C1QTNF7: variants seen among roughly 807,000 people sequenced by gnomAD.
C1QTNF7 encodes the protein C1q and TNF related 7, also known as complement C1q tumor necrosis factor-related protein 7.
C1QTNF7 carries 15 observed loss-of-function variants against 19.6 expected under a neutral mutation model. The observed-to-expected ratio is 0.76, with a 90% CI of 0.51 to 1.18. C1QTNF7 has a LOEUF of 1.18. Ranked by LOEUF, C1QTNF7 falls within the 50% of genes most tolerant of loss-of-function variation. The probability of loss-of-function intolerance (pLI) is 0.00; values close to 1 mark genes in which losing one functional copy is unlikely to be tolerated. For synonymous variants in C1QTNF7, 142 were observed against 137.5 expected (o/e 1.03, Z -0.23); for missense variants, 324 against 359.7 (o/e 0.90, Z 0.80).
At chr4:15,352,788 T>C (rs1716983200) in intron 1 of C1QTNF7, among the ~76,000 whole-genome samples, 1 of 152,178 alleles carries the variant, frequency 6.6e-6, no homozygotes, top group Non-Finnish European at 1.5e-5. Flanking sequence ...TCCTTCCTCC[T>C]TCCCTGGACA....
At chr4:15,340,341 A>G (rs1276344131) in intron 1 of C1QTNF7, 20 of 1,171,834 alleles carry the variant, frequency 1.7e-5, no homozygotes, top group Non-Finnish European at 2.2e-5. Flanking sequence ...TCAACAAATG[A>G]TAAATCAGAG....
chr4:15,375,671 G>A (rs1717912971), intron 1 of C1QTNF7, among the ~76,000 whole-genome samples: 2 of 152,098 alleles, frequency 1.3e-5, no homozygotes, highest in South Asian at 4.1e-4. Context: ...ATGGCTGCAA[G>A]GAACATATGT....
chr4:15,355,817 T>C (rs1577231283), intron 1 of C1QTNF7, among the ~76,000 whole-genome samples: 1 of 152,252 alleles, frequency 6.6e-6, no homozygotes. Context: ...CTTTGCCCAG[T>C]TCCAAGCCCT....
At chr4:15,356,515 T>A (rs1436376279) in intron 1 of C1QTNF7, among the ~76,000 whole-genome samples, 1 of 152,214 alleles carries the variant, frequency 6.6e-6, no homozygotes, top group African/African-American at 2.4e-5. Flanking sequence ...GGCATTGGGT[T>A]GGTTCCAAGT....
At chr4:15,392,026 A>C (rs1718579673) in intron 1 of C1QTNF7, among the ~76,000 whole-genome samples, 1 of 152,194 alleles carries the variant, frequency 6.6e-6, no homozygotes, top group African/African-American at 2.4e-5. Flanking sequence ...ATTTAGTTTC[A>C]GCAATAGTTA....
intron 1 of C1QTNF7, among the ~76,000 whole-genome samples, chr4:15,415,669 C>A (rs761332346): frequency 8.0e-4 from 122 of 151,560 alleles, no homozygotes; most frequent in Non-Finnish European, 1.4e-3. Flanking sequence ...GTTGCCCAGG[C>A]TGGTCTCAAA....
At position 15,420,349 on chromosome 4, in the gene C1QTNF7, G is replaced by C. The variant is rs2465501; in HGVS notation, c.14-15387G>C. 7.1e-3 allele frequency among the ~76,000 whole-genome samples: 1,077 copies of C among 152,328 alleles called. 12 individuals carry two copies. The highest frequency in any genetic ancestry group is 0.025 in the African/African-American group (1,033 of 41,566). ...CTTAGGAGTTCAGTCCCTAAGGAGA[G>C]TGTTTCTGATCACGTAGATGAGATT... is the stretch of plus-strand genomic sequence containing the variant. On this transcript the variant is annotated intron_variant, in intron 1 of 2. Transcript: ENST00000295297.
At chr4:15,422,788 G>A (rs1265204466) in intron 1 of C1QTNF7, among the ~76,000 whole-genome samples, 2 of 151,790 alleles carry the variant, frequency 1.3e-5, no homozygotes, top group Admixed American at 6.6e-5. Context: ...TCTTTTTTAT[G>A]TATTTATTTA....
intron 1 of C1QTNF7, chr4:15,358,381 A>G (rs1161387234): frequency 6.6e-6 from 1 of 152,110 alleles, no homozygotes; most frequent in African/African-American, 2.4e-5. Context: ...ACATTTATTG[A>G]TTTGCATATG....
At chr4:15,361,337 T>C (rs1717335057) in intron 1 of C1QTNF7, 1 of 151,918 alleles carries the variant, frequency 6.6e-6, no homozygotes, top group African/African-American at 2.4e-5. Flanking sequence ...AATGGAATGA[T>C]TAAAAAAAAG....
chr4:15,414,107 T>G (rs994537940), intron 1 of C1QTNF7, among the ~76,000 whole-genome samples: 2 of 152,126 alleles, frequency 1.3e-5, no homozygotes, highest in Non-Finnish European at 2.9e-5. Context: ...TCTCCTAGAG[T>G]TCTGTATGCT....
At position 15,445,441 on chromosome 4, in the gene C1QTNF7, C is replaced by T. The variant is rs1400650482; in HGVS notation, c.*2642C>T. On this transcript the variant is annotated 3_prime_UTR_variant, in exon 3 of 3. Coordinates refer to ENST00000444304, the MANE Select transcript of C1QTNF7 (RefSeq NM_031911.5). ...TCCACGAATGCATTCATTTTTTGGA[C>T]ATTGCTTACTTATCTTTTAAATGTT... The T allele has an allele frequency of 1.3e-5, 2 of 152,200 alleles. No individual in the cohort carries two copies. The highest frequency in any genetic ancestry group is 2.9e-5 in the Non-Finnish European group (2 of 68,028). 9.4% of individuals were successfully genotyped at this position (152,200 alleles called of 1,614,324 possible).
At chr4:15,423,537 G>A (rs1032610690), upstream of C1QTNF7, among the ~76,000 whole-genome samples, 1 of 152,284 alleles carries the variant, frequency 6.6e-6, no homozygotes, top group African/African-American at 2.4e-5. Context: ...CCAGGAAAGC[G>A]GCAGCAGGCA....
chr4:15,438,661 T>C (rs1308623150), intron 2 of C1QTNF7, among the ~76,000 whole-genome samples: 1 of 152,226 alleles, frequency 6.6e-6, no homozygotes, highest in East Asian at 1.9e-4. Context: ...TACATATCCA[T>C]ATAAAAATCT....
At chr4:15,359,682 AT>A (rs1560341085) in intron 1 of C1QTNF7, among the ~76,000 whole-genome samples, 2 of 152,172 alleles carry the variant, frequency 1.3e-5, no homozygotes, top group African/African-American at 4.8e-5. Flanking sequence ...GATCTTTAAA[AT>A]TTTAGCATTG....
intron 1 of C1QTNF7, among the ~76,000 whole-genome samples, chr4:15,396,521 AAGC>A (rs1718788036): frequency 6.6e-6 from 1 of 152,202 alleles, no homozygotes; most frequent in Non-Finnish European, 1.5e-5. Context: ...ATTGAGCACC[AAGC>A]AGCATATCAT....
intron 1 of C1QTNF7, among the ~76,000 whole-genome samples, chr4:15,387,752 A>G (rs548040213): frequency 6.6e-6 from 1 of 152,360 alleles, no homozygotes; most frequent in Admixed American, 6.5e-5. Flanking sequence ...ATATACAGTA[A>G]TATCTATGCT....
intron 1 of C1QTNF7, among the ~76,000 whole-genome samples, chr4:15,352,722 G>C (rs1043179348): frequency 2.6e-5 from 4 of 152,090 alleles, no homozygotes; most frequent in Admixed American, 2.6e-4. Context: ...AGGGCTGTTG[G>C]GTTTTGGATA....
intron 1 of C1QTNF7, among the ~76,000 whole-genome samples, chr4:15,396,124 C>T (rs946771885): frequency 2.0e-5 from 3 of 152,110 alleles, no homozygotes; most frequent in Admixed American, 2.0e-4. Context: ...TCACAAGGAC[C>T]TCAGGGAGGA....
Sources: allele counts gnomAD v4.1 joint callset (sites outside exome capture counted in the v4.1 genomes callset), GRCh38; gene constraint gnomAD v4.1.1; transcripts MANE v1.5; gene names NCBI Gene and HGNC (gene_info 2026-07-23, HGNC 2026-07-21).